SLC22A3: variants seen among roughly 807,000 people sequenced by gnomAD.
SLC22A3 encodes solute carrier family 22 member 3.
In SLC22A3, 51 loss-of-function variants were observed where a neutral mutation model predicts 59.1. That is an observed-to-expected ratio of 0.86 (90% confidence interval 0.69 to 1.09). The LOEUF (loss-of-function observed/expected upper bound fraction) is 1.09. SLC22A3 is among the 50% of genes least tolerant of loss of function. The pLI is 0.00. For missense variants in SLC22A3, 711 were observed against 726.3 expected, an observed-to-expected ratio of 0.98 and a Z score of 0.24; for synonymous variants, 325 against 292.0, an observed-to-expected ratio of 1.11 and a Z score of -1.15.
chr6:160,355,778 A>G (rs984842760), intron 1 of SLC22A3, among the ~76,000 whole-genome samples: 4 of 134,974 alleles, frequency 3.0e-5, no homozygotes, highest in Admixed American at 2.1e-4. Flanking sequence ...TCTCAAAACA[A>G]CAACAACAAC....
chr6:160,433,176 A>C (rs180807813), intron 5 of SLC22A3, among the ~76,000 whole-genome samples: 2 of 152,318 alleles, frequency 1.3e-5, no homozygotes, highest in African/African-American at 4.8e-5. Context: ...CTTTGCAGAA[A>C]ACGTTCGCCA....
intron 1 of SLC22A3, among the ~76,000 whole-genome samples, chr6:160,373,480 G>A (rs1235928083): frequency 2.0e-5 from 3 of 152,190 alleles, no homozygotes; most frequent in Non-Finnish European, 4.4e-5. Flanking sequence ...AGGAGGCATG[G>A]TGGTTAGGGA....
At chr6:160,430,464 G>A (rs1333802258) in intron 5 of SLC22A3, among the ~76,000 whole-genome samples, 1 of 152,086 alleles carries the variant, frequency 6.6e-6, no homozygotes, top group African/African-American at 2.4e-5. Flanking sequence ...AAATGAAGAC[G>A]TCAACTTGAA....
intron 7 of SLC22A3, 63 bp downstream of exon 7, chr6:160,437,274 A>G: frequency 6.7e-7 from 1 of 1,497,912 alleles, no homozygotes; most frequent in South Asian, 1.1e-5. Flanking sequence ...TCCACAATCA[A>G]GTATAGGGAG....
intron 4 of SLC22A3, among the ~76,000 whole-genome samples, chr6:160,409,229 ATCT>A (rs1296431496): frequency 2.1e-5 from 2 of 96,702 alleles, no homozygotes; most frequent in African/African-American, 8.4e-5. Flanking sequence ...TGTCCATGTG[ATCT>A]CATTGTTCAA....
At chr6:160,354,534 C>T (rs1784765532) in intron 1 of SLC22A3, among the ~76,000 whole-genome samples, 1 of 152,148 alleles carries the variant, frequency 6.6e-6, no homozygotes, top group Non-Finnish European at 1.5e-5. Context: ...ATAAATTTGC[C>T]TTAAATATAA....
At chr6:160,406,466 A>G (rs549388460) in intron 2 of SLC22A3, among the ~76,000 whole-genome samples, 17 of 152,356 alleles carry the variant, frequency 1.1e-4, no homozygotes, top group African/African-American at 4.1e-4. Context: ...AAAATAAAAT[A>G]CAAAATTTAA....
chr6:160,384,681 A>G (rs548689643), intron 1 of SLC22A3, among the ~76,000 whole-genome samples: 11 of 152,094 alleles, frequency 7.2e-5, no homozygotes, highest in African/African-American at 2.6e-4. Flanking sequence ...CTGGGTGGGA[A>G]GGAGATCTAA....
At chr6:160,355,216 G>T (rs1784788173) in intron 1 of SLC22A3, among the ~76,000 whole-genome samples, 1 of 152,166 alleles carries the variant, frequency 6.6e-6, no homozygotes. Context: ...GTGCTTCCTG[G>T]CAGGGCACAG....
chr6:160,436,962 T>C (rs368999917), intron 6 of SLC22A3, 35 bp from the exon 7 acceptor site: 3 of 1,613,406 alleles, frequency 1.9e-6, no homozygotes, highest in Non-Finnish European at 2.5e-6. Context: ...AGTTATCTCT[T>C]ACTTGTTCTC....
intron 9 of SLC22A3, among the ~76,000 whole-genome samples, chr6:160,445,073 G>A (rs978860510): frequency 3.9e-5 from 6 of 152,354 alleles, no homozygotes; most frequent in Middle Eastern, 3.4e-3. Context: ...GCAGGCAGGC[G>A]GGGCCTGAGA....
chr6:160,364,869 A>G (rs905288990), intron 1 of SLC22A3, among the ~76,000 whole-genome samples: 5 of 152,224 alleles, frequency 3.3e-5, no homozygotes, highest in Non-Finnish European at 7.3e-5. Flanking sequence ...CAATGGCTTC[A>G]TTTAGGTTGT....
At chr6:160,385,234 G>A (rs1438472238) in intron 1 of SLC22A3, among the ~76,000 whole-genome samples, 1 of 152,170 alleles carries the variant, frequency 6.6e-6, no homozygotes, top group Non-Finnish European at 1.5e-5. Flanking sequence ...CTGCTCTTCT[G>A]AAGAATTGTG....
chr6:160,392,889 GATT>G (rs745447046), intron 1 of SLC22A3, among the ~76,000 whole-genome samples: 19 of 151,282 alleles, frequency 1.3e-4, no homozygotes, highest in South Asian at 8.3e-4. Flanking sequence ...CAGTATCAGT[GATT>G]ATTATTATTA....
chr6:160,404,355 A>G (rs138021197), intron 2 of SLC22A3, among the ~76,000 whole-genome samples: 1 of 152,252 alleles, frequency 6.6e-6, no homozygotes, highest in African/African-American at 2.4e-5. Context: ...CACCACAAGA[A>G]TACACAACAC....
chr6:160,363,734 G>C (rs952149404), intron 1 of SLC22A3, among the ~76,000 whole-genome samples: 3 of 152,106 alleles, frequency 2.0e-5, no homozygotes. Flanking sequence ...TCTTTTGTCC[G>C]CCTGAAGGGG....
intron 5 of SLC22A3, among the ~76,000 whole-genome samples, chr6:160,422,732 C>A (rs1445066713): frequency 1.3e-5 from 2 of 151,832 alleles, no homozygotes; most frequent in Non-Finnish European, 2.9e-5. Flanking sequence ...TTATCCTTTG[C>A]GGGAGAAGGA....
chr6:160,405,488 C>T (rs958534296), intron 2 of SLC22A3, among the ~76,000 whole-genome samples: 1 of 152,094 alleles, frequency 6.6e-6, no homozygotes, highest in African/African-American at 2.4e-5. Flanking sequence ...CTTTAGATGA[C>T]AAAATTCTTA....
At chr6:160,368,910 T>C (rs912495844) in intron 1 of SLC22A3, among the ~76,000 whole-genome samples, 2 of 152,176 alleles carry the variant, frequency 1.3e-5, no homozygotes, top group African/African-American at 2.4e-5. Context: ...CAAGCTCTGA[T>C]AAAGCCAAAC....
Sources: allele counts gnomAD v4.1 joint callset (sites outside exome capture counted in the v4.1 genomes callset), GRCh38; gene constraint gnomAD v4.1.1; transcripts MANE v1.5; gene names NCBI Gene and HGNC (gene_info 2026-07-23, HGNC 2026-07-21).